NREP: variants seen among roughly 807,000 people sequenced by gnomAD.
The protein encoded by NREP is neuronal regeneration related protein, also known as neuronal regeneration-related protein.
In NREP, 5 loss-of-function variants were observed where a neutral mutation model predicts 8.6. The ratio of observed to expected loss-of-function variants is 0.58; its 90% CI spans 0.30 to 1.22. NREP has a LOEUF of 1.22. Among genes scored for constraint, NREP ranks in the 50% most tolerant of loss-of-function variants. NREP has a pLI of 0.07. For missense variants in NREP, 86 were observed against 82.5 expected (o/e 1.04, Z -0.17); for synonymous variants, 27 against 28.0 (o/e 0.96, Z 0.11).
At chr5:111,917,858 G>A (rs946217165) in intron 2 of NREP, among the ~76,000 whole-genome samples, 1 of 152,132 alleles carries the variant, frequency 6.6e-6, no homozygotes, top group Admixed American at 6.6e-5. Context: ...GTTCTGGCCA[G>A]GGCAATCAGG....
chr5:111,919,863 A>AAGAG (rs879712147), intron 2 of NREP, among the ~76,000 whole-genome samples: 6,154 of 97,304 alleles, frequency 0.063, 384 homozygotes, highest in East Asian at 0.26. Flanking sequence ...CCAGAACTTG[A>AAGAG]AGAGAGAGAA....
chr5:111,741,826 C>CAT lies in NREP; in HGVS notation c.4-6320_4-6319insAT, dbSNP rs1554095248. On this transcript the variant is annotated intron_variant, in intron 2 of 3. Coordinates refer to ENST00000257435, the MANE Select transcript of NREP (RefSeq NM_004772.4). ...CTGACCTAATTTAAACACACACATA[C>CAT]ACACACACACACACACACACACACA... 1.7e-3 allele frequency among the ~76,000 whole-genome samples: 240 copies of CAT among 141,138 alleles called. 1 individual carries two copies. The highest frequency in any genetic ancestry group is 6.0e-3 in the African/African-American group (215 of 35,622). The allele number at this position is 141,138 out of a possible 152,430, so 92.6% of individuals were successfully genotyped here.
chr5:111,964,471 A>G (rs1756574997), intron 2 of NREP, among the ~76,000 whole-genome samples: 1 of 152,068 alleles, frequency 6.6e-6, no homozygotes, highest in East Asian at 1.9e-4. Context: ...TGTTCAAGCA[A>G]TCCTCCTGCC....
At chr5:111,877,050 CCTT>C (rs975199422) in intron 2 of NREP, among the ~76,000 whole-genome samples, 6 of 152,034 alleles carry the variant, frequency 3.9e-5, no homozygotes, top group Admixed American at 3.9e-4. Flanking sequence ...ACTGAAATCA[CCTT>C]CTTTTTCAAA....
At chr5:111,743,095 C>T (rs977854968) in intron 2 of NREP, among the ~76,000 whole-genome samples, 1 of 152,036 alleles carries the variant, frequency 6.6e-6, no homozygotes, top group African/African-American at 2.4e-5. Context: ...AGAAAAAGCA[C>T]AAGAATAAAG....
At chr5:111,815,879 C>T (rs777416485) in intron 2 of NREP, among the ~76,000 whole-genome samples, 51 of 152,034 alleles carry the variant, frequency 3.4e-4, no homozygotes, top group Non-Finnish European at 6.8e-4. Flanking sequence ...AGACACCACA[C>T]GTAAGATAAG....
At chr5:111,902,523 A>AAGG (rs1754671055) in intron 2 of NREP, among the ~76,000 whole-genome samples, 2 of 152,184 alleles carry the variant, frequency 1.3e-5, no homozygotes, top group Non-Finnish European at 2.9e-5. Flanking sequence ...CAATCAAAGT[A>AAGG]ACAGCTACCA....
chr5:111,894,912 A>C (rs1297765402), intron 2 of NREP, among the ~76,000 whole-genome samples: 1 of 152,188 alleles, frequency 6.6e-6, no homozygotes, highest in Non-Finnish European at 1.5e-5. Context: ...ACAATTATAA[A>C]ACATTTAATC....
intron 2 of NREP, among the ~76,000 whole-genome samples, chr5:111,754,106 G>T (rs1436898319): frequency 6.6e-6 from 1 of 152,118 alleles, no homozygotes; most frequent in African/African-American, 2.4e-5. Flanking sequence ...TTTTTCATGA[G>T]TAAAAATCCT....
At chr5:111,801,073 C>T (rs1751993949) in intron 2 of NREP, among the ~76,000 whole-genome samples, 1 of 152,192 alleles carries the variant, frequency 6.6e-6, no homozygotes. Flanking sequence ...ACCACAGAAA[C>T]TGGGAGACAG....
intron 2 of NREP, among the ~76,000 whole-genome samples, chr5:111,974,814 T>C (rs78846712): frequency 4.6e-5 from 7 of 152,348 alleles, no homozygotes; most frequent in African/African-American, 1.7e-4. Flanking sequence ...GGCAACATCA[T>C]ATTTATCAAA....
intron 2 of NREP, among the ~76,000 whole-genome samples, chr5:111,774,013 T>C (rs527532364): frequency 2.0e-5 from 3 of 152,208 alleles, no homozygotes; most frequent in Non-Finnish European, 4.4e-5. Flanking sequence ...TACTCTGATC[T>C]GAGAATTTAT....
intron 2 of NREP, among the ~76,000 whole-genome samples, chr5:111,856,363 CAT>C (rs1481979608): frequency 1.3e-5 from 2 of 152,286 alleles, no homozygotes; most frequent in East Asian, 3.9e-4. Context: ...CCTTTCCACA[CAT>C]GACACTCACT....
At chr5:111,764,685 A>G (rs895452619) in intron 2 of NREP, among the ~76,000 whole-genome samples, 1 of 152,216 alleles carries the variant, frequency 6.6e-6, no homozygotes, top group African/African-American at 2.4e-5. Context: ...TTGCCTTTAG[A>G]ATGAGGTTCT....
intron 2 of NREP, among the ~76,000 whole-genome samples, chr5:111,971,501 G>A (rs1210020053): frequency 6.6e-6 from 1 of 152,152 alleles, no homozygotes; most frequent in Admixed American, 6.5e-5. Flanking sequence ...AACAAATTCA[G>A]TATGGTTCTG....
intron 2 of NREP, among the ~76,000 whole-genome samples, chr5:111,912,303 G>T (rs1754935028): frequency 6.6e-6 from 1 of 151,772 alleles, no homozygotes; most frequent in South Asian, 2.1e-4. Flanking sequence ...AATGAGCTAG[G>T]GTCTGCCCTG....
At chr5:111,880,355 G>A (rs1304629105) in intron 2 of NREP, among the ~76,000 whole-genome samples, 1 of 152,156 alleles carries the variant, frequency 6.6e-6, no homozygotes, top group African/African-American at 2.4e-5. Flanking sequence ...CAGACGAGGT[G>A]GCTTAAACAA....
intron 2 of NREP, among the ~76,000 whole-genome samples, chr5:111,838,201 C>T (rs748663258): frequency 6.6e-6 from 1 of 152,066 alleles, no homozygotes; most frequent in Non-Finnish European, 1.5e-5. Context: ...ATTAATGAGA[C>T]ACTATATTCT....
chr5:111,739,569 T>C (rs1349851986), intron 2 of NREP: 1 of 152,128 alleles, frequency 6.6e-6, no homozygotes, highest in African/African-American at 2.4e-5. Context: ...CATCTGTGCT[T>C]GCTGAACTGT....
Sources: gnomAD v4.1 joint callset for allele counts (sites outside exome capture counted in the v4.1 genomes callset) on GRCh38, gnomAD v4.1.1 for gene constraint, MANE v1.5 for transcripts, NCBI Gene and HGNC (gene_info 2026-07-23, HGNC 2026-07-21) for gene names.